The following DACH2 variants were observed in gnomAD, a reference collection of about 807,000 sequenced individuals.
The protein encoded by DACH2 is dachshund homolog 2.
Under a neutral mutation model 35.8 loss-of-function variants are expected in DACH2, and 17 were observed. That is an observed-to-expected ratio of 0.48 (90% CI 0.33 to 0.71). The LOEUF (loss-of-function observed/expected upper bound fraction) is 0.71. Ranked by LOEUF, DACH2 falls within the 30% of genes least tolerant of loss-of-function variation. The pLI, the probability that DACH2 is intolerant of heterozygous loss-of-function variation, is 0.02. For missense variants in DACH2, 469 were observed against 472.7 expected, an observed-to-expected ratio of 0.99 and a Z score of 0.07; for synonymous variants, 195 against 177.3, an observed-to-expected ratio of 1.10 and a Z score of -0.79.
chrX:86,578,202 G>A (rs1272912601), intron 3 of DACH2, among the ~76,000 whole-genome samples: 2 of 110,978 alleles, frequency 1.8e-5, no homozygotes, highest in Non-Finnish European at 3.8e-5. Flanking sequence ...TTAAATTGGA[G>A]GAAATTCAGC....
At chrX:86,475,861 T>C (rs1351330254) in intron 2 of DACH2, among the ~76,000 whole-genome samples, 1 of 111,649 alleles carries the variant, frequency 9.0e-6, no homozygotes, top group Admixed American at 9.5e-5. Flanking sequence ...ATGTTCCTCA[T>C]TTTTTTGAGG....
At chrX:86,740,372 C>CT (rs1264835917) in intron 7 of DACH2, among the ~76,000 whole-genome samples, 1 of 108,533 alleles carries the variant, frequency 9.2e-6, no homozygotes, top group East Asian at 2.9e-4. Flanking sequence ...TATTTTTATA[C>CT]TTTAAGTTTT....
At chrX:86,767,717 G>C (rs1385563014) in intron 7 of DACH2, among the ~76,000 whole-genome samples, 1 of 111,699 alleles carries the variant, frequency 9.0e-6, no homozygotes, top group African/African-American at 3.3e-5. Context: ...CACAAAAAAT[G>C]CTTCATTGGT....
chrX:86,439,906 C>T (rs1338788918), intron 2 of DACH2, among the ~76,000 whole-genome samples: 1 of 111,321 alleles, frequency 9.0e-6, no homozygotes, highest in Non-Finnish European at 1.9e-5. Context: ...TGTGTTTAAT[C>T]TCCAAGTATT....
intron 3 of DACH2, among the ~76,000 whole-genome samples, chrX:86,532,477 T>C (rs1301167647): frequency 1.9e-5 from 2 of 103,801 alleles, no homozygotes; most frequent in East Asian, 6.7e-4. Flanking sequence ...GGTTTTGAAG[T>C]ATAGCTCTCT....
At chrX:86,343,924 G>A (rs1251646339) in intron 1 of DACH2, among the ~76,000 whole-genome samples, 3 of 110,287 alleles carry the variant, frequency 2.7e-5, no homozygotes, top group Admixed American at 9.8e-5. Flanking sequence ...GGTAGTGGGG[G>A]GCTGGGGAGG....
chrX:86,201,544 C>T (rs1455463889), intron 1 of DACH2, among the ~76,000 whole-genome samples: 1 of 110,892 alleles, frequency 9.0e-6, no homozygotes. Flanking sequence ...TGTTTATTGC[C>T]ATCTCTTAAG....
At chrX:86,770,000 AAAAAAAT>A (rs2041972410) in intron 7 of DACH2, among the ~76,000 whole-genome samples, 1 of 108,940 alleles carries the variant, frequency 9.2e-6, no homozygotes, top group Non-Finnish European at 1.9e-5. Context: ...CTTCTCTATA[AAAAAAAT>A]AAATAAAAAA....
At chrX:86,578,306 G>A in intron 3 of DACH2, among the ~76,000 whole-genome samples, 1 of 103,274 alleles carries the variant, frequency 9.7e-6, no homozygotes, top group South Asian at 4.4e-4. Context: ...GTTGTGTGGT[G>A]TGAGAGCAGA....
intron 1 of DACH2, among the ~76,000 whole-genome samples, chrX:86,192,956 A>G (rs1026748823): frequency 1.8e-5 from 2 of 112,061 alleles, no homozygotes; most frequent in Non-Finnish European, 3.8e-5. Context: ...TTATCCTTAC[A>G]CATTTAAACT....
intron 3 of DACH2, among the ~76,000 whole-genome samples, chrX:86,542,279 G>A (rs775677652): frequency 1.8e-5 from 2 of 111,436 alleles, no homozygotes; most frequent in African/African-American, 6.5e-5. Context: ...TGTTGGTGTC[G>A]GGAGGTGGGG....
At chrX:86,573,599 A>G (rs1014975) in intron 3 of DACH2, among the ~76,000 whole-genome samples, 35,001 of 110,487 alleles carry the variant, frequency 0.32, 4,323 homozygotes, top group East Asian at 0.53. Flanking sequence ...GACCCTATAA[A>G]TTGACCAGCC....
chrX:86,723,856 AT>A (rs2041435258), intron 6 of DACH2, among the ~76,000 whole-genome samples: 1 of 109,554 alleles, frequency 9.1e-6, no homozygotes, highest in Admixed American at 9.6e-5. Context: ...TGAATTGATC[AT>A]TTTATCAATA....
intron 7 of DACH2, among the ~76,000 whole-genome samples, chrX:86,805,059 G>A (rs2042330398): frequency 8.9e-6 from 1 of 112,446 alleles, no homozygotes; most frequent in Admixed American, 9.3e-5. Context: ...GGGACTCTGT[G>A]TGGGGGCTCC....
chrX:86,300,688 TA>T (rs1478742723), intron 1 of DACH2, among the ~76,000 whole-genome samples: 1 of 111,619 alleles, frequency 9.0e-6, no homozygotes, highest in African/African-American at 3.3e-5. Flanking sequence ...AGTATAATAA[TA>T]AAAAAATGTT....
intron 1 of DACH2, among the ~76,000 whole-genome samples, chrX:86,330,971 C>CACATGAAA (rs749114840): frequency 1.8e-5 from 2 of 111,766 alleles, no homozygotes; most frequent in East Asian, 5.7e-4. Context: ...ATACTATTTA[C>CACATGAAA]ACATGAAATT....
chrX:86,377,907 A>G (rs905084411), intron 2 of DACH2, among the ~76,000 whole-genome samples: 1 of 110,610 alleles, frequency 9.0e-6, no homozygotes, highest in African/African-American at 3.3e-5. Flanking sequence ...AAGTGACCTG[A>G]AGCAGTGGAT....
intron 4 of DACH2, among the ~76,000 whole-genome samples, chrX:86,661,364 A>G (rs1205073389): frequency 8.9e-6 from 1 of 112,515 alleles, no homozygotes; most frequent in African/African-American, 3.2e-5. Context: ...GAAACCACTA[A>G]TCTACTATTA....
intron 3 of DACH2, among the ~76,000 whole-genome samples, chrX:86,552,642 A>G (rs1316042056): frequency 2.7e-5 from 3 of 112,359 alleles, no homozygotes; most frequent in Admixed American, 9.5e-5. Flanking sequence ...TTAGCTGCAC[A>G]TGTAGTCAAG....
Sources: gnomAD v4.1 joint callset for allele counts (sites outside exome capture counted in the v4.1 genomes callset) on GRCh38, gnomAD v4.1.1 for gene constraint, MANE v1.5 for transcripts, NCBI Gene and HGNC (gene_info 2026-07-23, HGNC 2026-07-21) for gene names.